The following STOX1 variants were observed in gnomAD, a reference collection of about 807,000 sequenced individuals.
The protein encoded by STOX1 is storkhead box 1, also known as storkhead-box protein 1.
Under a neutral mutation model 74.8 loss-of-function variants are expected in STOX1, and 57 were observed. The observed-to-expected ratio is 0.76, with a 90% CI of 0.62 to 0.95. The LOEUF (loss-of-function observed/expected upper bound fraction) is 0.95. STOX1 is among the 40% of genes least tolerant of loss of function. The pLI is 0.00. For synonymous variants in STOX1, 375 were observed against 401.3 expected (o/e 0.93, Z 0.78); for missense variants, 1,010 against 1,117.0 (o/e 0.90, Z 1.37).
chr10:68,860,025 C>A (rs1423519543), intron 1 of STOX1, among the ~76,000 whole-genome samples: 1 of 151,942 alleles, frequency 6.6e-6, no homozygotes, highest in Non-Finnish European at 1.5e-5. Context: ...TGCGTGGTGG[C>A]TCATGCCTGT....
chr10:68,853,478 C>T (rs1305524344), intron 1 of STOX1, among the ~76,000 whole-genome samples: 5 of 152,054 alleles, frequency 3.3e-5, no homozygotes, highest in Admixed American at 3.3e-4. Context: ...AGACATATAG[C>T]TGGGTGTATT....
At chr10:68,871,335 G>A (rs538224891) in intron 1 of STOX1, among the ~76,000 whole-genome samples, 2 of 152,222 alleles carry the variant, frequency 1.3e-5, no homozygotes, top group African/African-American at 4.8e-5. Context: ...AAATTGTGGG[G>A]TCTGTTCCAG....
chr10:68,886,407 C>G lies in STOX1; in HGVS notation c.2611C>G (p.Gln871Glu). 2 of 1,614,200 alleles carry G rather than the reference C, an allele frequency of 1.2e-6. No homozygotes were observed. Among genetic ancestry groups the G allele is most frequent in the Non-Finnish European group, 8.5e-7 (1 of 1,180,034 alleles). Residue 871 changes from glutamine to glutamate, a missense_variant, in exon 3 of 4, where the codon CAA (glutamine) becomes GAA (glutamate). Physicochemically the swap from Gln to Glu is conservative, Grantham distance 29. Transcript: ENST00000298596. ...AGCCAGTTTTGAAGCTGAAGTCATA[C>G]AAGACACTATTGGTGACACAGGAAA... ...RKASFEAEVIQDTIGDTGKKP... is the reference protein window; with the variant it reads ...RKASFEAEVIEDTIGDTGKKP...
chr10:68,852,547 C>G (rs1293185502), intron 1 of STOX1, among the ~76,000 whole-genome samples: 1 of 151,696 alleles, frequency 6.6e-6, no homozygotes, highest in Admixed American at 6.6e-5. Flanking sequence ...CATGAGCCAC[C>G]GCGCCTGGCC....
At chr10:68,846,131 A>T (rs1191085039) in intron 1 of STOX1, among the ~76,000 whole-genome samples, 22 of 139,916 alleles carry the variant, frequency 1.6e-4, no homozygotes, top group East Asian at 1.2e-3. Context: ...TATTATTATT[A>T]TTATTATTAT....
chr10:68,851,137 A>G (rs1839973160), intron 1 of STOX1, among the ~76,000 whole-genome samples: 1 of 151,046 alleles, frequency 6.6e-6, no homozygotes, highest in African/African-American at 2.4e-5. Flanking sequence ...GGAGGAGCCT[A>G]TCTCCACAAA....
intron 1 of STOX1, among the ~76,000 whole-genome samples, chr10:68,836,091 C>T (rs1490965065): frequency 6.6e-6 from 1 of 151,940 alleles, no homozygotes; most frequent in African/African-American, 2.4e-5. Flanking sequence ...AGGATGGTCT[C>T]AGTCTCCTGA....
intron 1 of STOX1, among the ~76,000 whole-genome samples, chr10:68,864,051 A>G (rs1158853786): frequency 6.6e-6 from 1 of 151,830 alleles, no homozygotes; most frequent in Non-Finnish European, 1.5e-5. Context: ...CAGCCTCCCA[A>G]TTAGCTGGGA....
intron 1 of STOX1, among the ~76,000 whole-genome samples, chr10:68,861,857 G>A (rs779293339): frequency 1.3e-5 from 2 of 152,102 alleles, no homozygotes; most frequent in Non-Finnish European, 2.9e-5. Context: ...GACAAAGTTT[G>A]TAGAGTGTCC....
At chr10:68,876,250 C>T (rs1040645703) in intron 1 of STOX1, among the ~76,000 whole-genome samples, 8 of 151,642 alleles carry the variant, frequency 5.3e-5, no homozygotes, top group African/African-American at 2.4e-5. Flanking sequence ...CTCTGCCTTC[C>T]GGGTTCAAAT....
intron 1 of STOX1, among the ~76,000 whole-genome samples, chr10:68,866,705 T>C (rs147459331): frequency 6.6e-6 from 1 of 152,324 alleles, no homozygotes; most frequent in African/African-American, 2.4e-5. Flanking sequence ...CGCAGGCTCC[T>C]GTTTCTACTT....
intron 1 of STOX1, among the ~76,000 whole-genome samples, chr10:68,868,401 C>A (rs563731891): frequency 6.6e-6 from 1 of 152,238 alleles, no homozygotes; most frequent in Non-Finnish European, 1.5e-5. Flanking sequence ...AGGCACAGAT[C>A]GCTCATGCCA....
At position 68,840,604 on chromosome 10, in the gene STOX1, A is replaced by C. The variant is rs368905601; in HGVS notation, c.310+12671A>C. On this transcript the variant is annotated intron_variant, in intron 1 of 3. Coordinates refer to ENST00000298596, the MANE Select transcript of STOX1 (RefSeq NM_152709.5). ...GAGACAGAGTCTCATTCTGTCACAC[A>C]GGCTGGAGTGCACTGGTGTGATCTT... Among the ~76,000 whole-genome samples the C allele has an allele frequency of 2.2e-4, 33 of 152,196 alleles. 1 individual carries two copies. In the South Asian group the frequency reaches 2.5e-3, roughly 11 times the overall value.
At chr10:68,834,133 A>G (rs569401454) in intron 1 of STOX1, among the ~76,000 whole-genome samples, 1 of 152,348 alleles carries the variant, frequency 6.6e-6, no homozygotes, top group East Asian at 1.9e-4. Flanking sequence ...AGGATCTTCC[A>G]CATCTCCTCG....
rs369057771 is a variant in STOX1, at chr10:68,834,161, C to G, written c.310+6228C>G. 3.9e-5 allele frequency among the ~76,000 whole-genome samples: 6 copies of G among 152,312 alleles called. No individual in the cohort carries two copies. The East Asian group carries it at 7.7e-4, about 20-fold the overall frequency. ...TCTCCTCGTGCTCCTCCTACCTGAT[C>G]CCCCAAATCCCTCTGAGCATGGCCT... On this transcript the variant is annotated intron_variant, in intron 1 of 3. Transcript: ENST00000298596.
At chr10:68,848,174 G>C (rs1383351302) in intron 1 of STOX1, among the ~76,000 whole-genome samples, 4 of 50,260 alleles carry the variant, frequency 8.0e-5, no homozygotes, top group African/African-American at 2.2e-4. Context: ...GGGACACTAG[G>C]TCCTGTTGCC....
At chr10:68,864,117 G>A (rs1305659870) in intron 1 of STOX1, among the ~76,000 whole-genome samples, 2 of 151,880 alleles carry the variant, frequency 1.3e-5, no homozygotes, top group East Asian at 3.9e-4. Flanking sequence ...GTAGAGGCGG[G>A]GTTTCACCTT....
At chr10:68,846,735 TG>T (rs1414004207) in intron 1 of STOX1, 7 of 152,206 alleles carry the variant, frequency 4.6e-5, no homozygotes. Flanking sequence ...GCTTTTTCCA[TG>T]TAAACTTTAG....
Position 68,885,485 on chromosome 10 carries a change from C to A in STOX1, c.1689C>A (p.Ser563=), listed in dbSNP as rs745889185. The change falls in exon 3 of 4, where the codon TCC becomes TCA. Residue 563 remains serine (S), a synonymous_variant. Coordinates refer to ENST00000298596, the MANE Select transcript of STOX1 (RefSeq NM_152709.5). The part of the protein sequence containing the change: ...EQPNDKMEAE[S]IYINDPTVKP... ...CTAATGATAAAATGGAAGCAGAATC[C>A]ATTTACATAAATGACCCTACTGTCA... 17 of 1,614,172 alleles carry A rather than the reference C, an allele frequency of 1.1e-5. No homozygotes were observed. Among genetic ancestry groups the A allele is most frequent in the Non-Finnish European group, 1.4e-5 (17 of 1,180,034 alleles).
Sources: gnomAD v4.1 joint callset for allele counts (sites outside exome capture counted in the v4.1 genomes callset) on GRCh38, gnomAD v4.1.1 for gene constraint, MANE v1.5 for transcripts, NCBI Gene and HGNC (gene_info 2026-07-23, HGNC 2026-07-21) for gene names.